Variants in NIN observed in about 807,000 individuals in gnomAD.
The protein encoded by NIN is glycogen synthase kinase 3 beta-interacting protein.
Under a neutral mutation model 257.6 loss-of-function variants are expected in NIN, and 137 were observed. The ratio of observed to expected loss-of-function variants is 0.53; its 90% CI spans 0.46 to 0.61. The LOEUF (loss-of-function observed/expected upper bound fraction) is 0.61, where lower values mean the gene tolerates loss of function less well. Ranked by LOEUF, NIN falls within the 20% of genes least tolerant of loss-of-function variation. The pLI is 0.00. For synonymous variants in NIN, 918 were observed against 919.8 expected, an observed-to-expected ratio of 1.00 and a Z score of 0.04; for missense variants, 2,439 against 2,501.2, an observed-to-expected ratio of 0.98 and a Z score of 0.53.
At position 50,744,368 on chromosome 14, in the gene NIN, G is replaced by GTAAGAGATAAACAAATGAGACC; in HGVS notation, c.5065-4_5065-3insGGTCTCATTTGTTTATCTCTTA. 1 of 1,613,460 alleles carries GTAAGAGATAAACAAATGAGACC rather than the reference G, an allele frequency of 6.2e-7. No homozygotes were observed. Among genetic ancestry groups the GTAAGAGATAAACAAATGAGACC allele is most frequent in the African/African-American group, 1.3e-5 (1 of 74,996 alleles). On this transcript the variant is annotated splice_polypyrimidine_tract_variant and splice_region_variant and intron_variant, in intron 22 of 30. Coordinates refer to ENST00000530997, the MANE Select transcript of NIN (RefSeq NM_020921.4). ...GAGAGATCGGGACATCTGTGCAGCT[G>GTAAGAGATAAACAAATGAGACC]TAAGAGATAAACAAATGAGCCCTCC...
At chr14:50,746,767 G>GT (rs1476130652) in intron 22 of NIN, among the ~76,000 whole-genome samples, 1 of 149,662 alleles carries the variant, frequency 6.7e-6, no homozygotes, top group East Asian at 1.9e-4. Context: ...GATGCAAATT[G>GT]TTTTTTTCCA....
At chr14:50,803,981 C>T (rs1230855298) in intron 4 of NIN, among the ~76,000 whole-genome samples, 13 of 151,848 alleles carry the variant, frequency 8.6e-5, no homozygotes, top group African/African-American at 9.7e-5. Context: ...CTGCAACCTC[C>T]GCCTCCTGGA....
intron 21 of NIN, 123 bp from the exon 22 acceptor site, chr14:50,748,228 C>A: frequency 1.7e-6 from 1 of 592,978 alleles, no homozygotes; most frequent in Non-Finnish European, 3.0e-6. Context: ...TGTTTTATGA[C>A]CATTTTTTAT....
chr14:50,806,518 C>T (rs1213532317), intron 4 of NIN: 3 of 158,504 alleles, frequency 1.9e-5, no homozygotes, highest in Non-Finnish European at 3.2e-5. Flanking sequence ...CAATTATTTT[C>T]TCCATAATAC....
chr14:50,752,412 C>T, intron 21 of NIN, 106 bp downstream of exon 21: 1 of 819,574 alleles, frequency 1.2e-6, no homozygotes, highest in Non-Finnish European at 2.0e-6. Flanking sequence ...CAGGACCATA[C>T]TGTTTTAATT....
chr14:50,770,800 T>A, intron 11 of NIN, 52 bp downstream of exon 11: 1 of 1,573,128 alleles, frequency 6.4e-7, no homozygotes, highest in Non-Finnish European at 8.6e-7. Context: ...CAGGCGCCAC[T>A]GCCCTGGGCC....
At chr14:50,726,803 G>A (rs1364071939) in intron 29 of NIN, among the ~76,000 whole-genome samples, 1 of 152,156 alleles carries the variant, frequency 6.6e-6, no homozygotes, top group Non-Finnish European at 1.5e-5. Context: ...CCATCCCTCT[G>A]CAGTCCACCA....
intron 27 of NIN, among the ~76,000 whole-genome samples, chr14:50,737,066 C>G (rs982340134): frequency 6.6e-6 from 1 of 152,142 alleles, no homozygotes; most frequent in African/African-American, 2.4e-5. Flanking sequence ...TTATACAGTC[C>G]TCTCCCACAC....
chr14:50,753,628 G>T (rs2041895703), intron 20 of NIN, among the ~76,000 whole-genome samples: 1 of 151,992 alleles, frequency 6.6e-6, no homozygotes, highest in Non-Finnish European at 1.5e-5. Flanking sequence ...TTTAGAAGTA[G>T]GATTGCTGGG....
chr14:50,760,283 T>C lies in NIN; in HGVS notation c.1973A>G (p.His658Arg). The C allele has an allele frequency of 6.2e-7, 1 of 1,609,468 alleles. No individual in the cohort carries two copies. Among genetic ancestry groups the C allele is most frequent in the Non-Finnish European group, 8.5e-7 (1 of 1,179,954 alleles). ...TTCTAAGGTGTGCGTTTCGTTCTCA[T>C]GCCTTTGCTTCATGTTCTCCTGTGC... Reference protein sequence around the residue: ...KKAQENMKQRHENETHTLEKQ... With the variant: ...KKAQENMKQRRENETHTLEKQ... Residue 658 changes from histidine (H) to arginine (R), a missense_variant, in exon 17 of 31, where the codon CAT becomes CGT. This residue lies in a region of NIN where 2,043 missense variants were observed against 2,050.2 expected (regional missense o/e 1.00). Coordinates refer to ENST00000530997, the MANE Select transcript of NIN (RefSeq NM_020921.4).
chr14:50,756,174 C>G (rs2042018871), intron 18 of NIN, among the ~76,000 whole-genome samples: 1 of 151,944 alleles, frequency 6.6e-6, no homozygotes, highest in South Asian at 2.1e-4. Flanking sequence ...AAAAAATCCC[C>G]TATCCATCTA....
At chr14:50,738,994 G>A (rs912862733) in intron 26 of NIN, among the ~76,000 whole-genome samples, 3 of 151,926 alleles carry the variant, frequency 2.0e-5, no homozygotes, top group Non-Finnish European at 4.4e-5. Flanking sequence ...TACCATTTTT[G>A]TACTACTAGT....
chr14:50,788,382 G>A (rs2043435667), intron 5 of NIN, among the ~76,000 whole-genome samples: 1 of 152,192 alleles, frequency 6.6e-6, no homozygotes, highest in Non-Finnish European at 1.5e-5. Context: ...TTGCTTCAAA[G>A]CAATCTCCAT....
In NIN at chr14:50,831,000, A is replaced by T. The variant is rs1160979058; in HGVS notation, c.-76+6T>A. ...GGGTCCGGGTCCCCGGGGTTGCGCC[A>T]CTTACTGCGTCCCGGGGCTCAGGCG... On this transcript the variant is annotated splice_donor_region_variant and intron_variant, in intron 1 of 30. Coordinates refer to ENST00000530997, the MANE Select transcript of NIN (RefSeq NM_020921.4). 1 of 151,174 alleles carries T rather than the reference A, an allele frequency of 6.6e-6. No individual in the cohort carries two copies. The highest frequency in any genetic ancestry group is 2.4e-5 in the African/African-American group (1 of 41,262). The allele number at this position is 151,174 out of a possible 1,614,324, so 9.4% of individuals were successfully genotyped here. A position where few individuals can be genotyped will look rare whatever the true frequency, so the allele number is the denominator to read the frequency against.
At chr14:50,793,826 T>A (rs2043710182) in intron 4 of NIN, among the ~76,000 whole-genome samples, 1 of 152,042 alleles carries the variant, frequency 6.6e-6, no homozygotes, top group Admixed American at 6.5e-5. Context: ...TCTATTCAAA[T>A]GTTATCTCAG....
chr14:50,784,675 A>C (rs2043269020), intron 5 of NIN, among the ~76,000 whole-genome samples: 1 of 152,234 alleles, frequency 6.6e-6, no homozygotes, highest in South Asian at 2.1e-4. Context: ...TAGTTATTTC[A>C]CAATGTATCC....
At position 50,721,312 on chromosome 14, in the gene NIN, T is replaced by A. The variant is rs554128814; in HGVS notation, c.*2151A>T. Reference sequence around the variant, plus strand: ...AAGTCATATTTACATTCATTGTACATTTTATATACACATAAATACAAATTT... The same window carrying A: ...AAGTCATATTTACATTCATTGTACAATTTATATACACATAAATACAAATTT... On this transcript the variant is annotated 3_prime_UTR_variant, in exon 31 of 31. Coordinates refer to ENST00000530997, the MANE Select transcript of NIN (RefSeq NM_020921.4). 8 of 206,080 alleles carry A rather than the reference T, an allele frequency of 3.9e-5. No individual in the cohort carries two copies. The East Asian group carries it at 5.9e-4, about 15-fold the overall frequency. 12.8% of individuals were successfully genotyped at this position (206,080 alleles called of 1,614,324 possible).
chr14:50,790,445 T>C (rs1231413309), intron 5 of NIN, among the ~76,000 whole-genome samples: 2 of 152,214 alleles, frequency 1.3e-5, no homozygotes, highest in East Asian at 3.8e-4. Context: ...AGAAAGCAGT[T>C]GGATGAGCTT....
At chr14:50,803,553 A>C (rs983907068) in intron 4 of NIN, among the ~76,000 whole-genome samples, 3 of 152,148 alleles carry the variant, frequency 2.0e-5, no homozygotes, top group Admixed American at 6.5e-5. Context: ...AGACTGGCTC[A>C]CCCATTTGAA....
Sources: allele counts gnomAD v4.1 joint callset (sites outside exome capture counted in the v4.1 genomes callset), GRCh38; gene constraint gnomAD v4.1.1; regional missense constraint gnomAD v4.1.1; transcripts MANE v1.5; gene names NCBI Gene and HGNC (gene_info 2026-07-23, HGNC 2026-07-21).